Variants in CCDC88A observed in about 807,000 individuals in gnomAD.
CCDC88A encodes coiled-coil and HOOK domain protein 88A.
In CCDC88A, 54 loss-of-function variants were observed where a neutral mutation model predicts 234.3. That is an observed-to-expected ratio of 0.23 (90% CI 0.19 to 0.29). The LOEUF (loss-of-function observed/expected upper bound fraction) is 0.29. Among genes scored for constraint, CCDC88A ranks in the 10% least tolerant of loss-of-function variants. The pLI is 1.00. For synonymous variants in CCDC88A, 753 were observed against 737.8 expected (o/e 1.02, Z -0.33); for missense variants, 1,832 against 2,123.4 (o/e 0.86, Z 2.70).
chr2:55,303,757 G>A (rs1004466123), intron 25 of CCDC88A, among the ~76,000 whole-genome samples: 6 of 152,126 alleles, frequency 3.9e-5, no homozygotes, highest in African/African-American at 1.4e-4. Context: ...TATTTATGCA[G>A]GGATCAACTT....
intron 8 of CCDC88A, among the ~76,000 whole-genome samples, chr2:55,351,719 T>C (rs1669908975): frequency 6.6e-6 from 1 of 152,224 alleles, no homozygotes; most frequent in Admixed American, 6.5e-5. Flanking sequence ...TGGCCATTCA[T>C]CTGTTAACAT....
In CCDC88A at chr2:55,290,193, T is replaced by C. The variant is rs1332592651; in HGVS notation, c.*1007A>G. 1 of 152,530 alleles carries C rather than the reference T, an allele frequency of 6.6e-6. No homozygotes were observed. The highest frequency in any genetic ancestry group is 1.5e-5 in the Non-Finnish European group (1 of 67,954). 9.4% of individuals were successfully genotyped at this position (152,530 alleles called of 1,614,324 possible). A position where few individuals can be genotyped will look rare whatever the true frequency, so the allele number is the denominator to read the frequency against. ...AAGTACCAATAACAGTTATCAACTT[T>C]AATGTAATATCATAAAGGAGAAAAA... On this transcript the variant is annotated 3_prime_UTR_variant, in exon 33 of 33. Coordinates refer to ENST00000436346, the MANE Select transcript of CCDC88A (RefSeq NM_001365480.1).
rs570795943 is a variant in CCDC88A, at chr2:55,312,868, TTATAG to T, written c.3934-294_3934-290del. ...CTTTCTGTCTTTAAAACTGTTTAAC[TTATAG>T]TATAGTCCAAAAGCTAGATTCAAAT... On this transcript the variant is annotated intron_variant, in intron 22 of 32. Coordinates refer to ENST00000436346, the MANE Select transcript of CCDC88A (RefSeq NM_001365480.1). The T allele has an allele frequency of 5.2e-3, 1,105 of 212,312 alleles. 5 individuals carry two copies. The highest frequency in any genetic ancestry group is 7.0e-3 in the Non-Finnish European group (747 of 106,468). 13.2% of individuals were successfully genotyped at this position (212,312 alleles called of 1,614,324 possible). A position where few individuals can be genotyped will look rare whatever the true frequency, so the allele number is the denominator to read the frequency against.
chr2:55,355,790 A>T (rs1670494602), intron 7 of CCDC88A, 39 bp from the exon 8 acceptor site: 1 of 1,522,818 alleles, frequency 6.6e-7, no homozygotes, highest in Non-Finnish European at 9.1e-7. Flanking sequence ...TATTCTACAT[A>T]TTAGCAAACT....
rs544894155 is a variant in CCDC88A at position 55,300,221 on chromosome 2, T to C, written c.4745-302A>G. On this transcript the variant is annotated intron_variant, in intron 28 of 32. Transcript: ENST00000436346. The stretch of plus-strand genomic sequence containing the variant: ...AAATAGAATGACATATCCCCCCAGA[T>C]CCCCCAAAATGCTATTGATTGGGTC... 1.1e-4 allele frequency: 36 copies of C among 314,616 alleles called. 1 individual carries two copies. The highest frequency in any genetic ancestry group is 1.0e-3 in the Middle Eastern group (1 of 956). The allele number at this position is 314,616 out of a possible 1,614,324, so 19.5% of individuals were successfully genotyped here.
intron 3 of CCDC88A, among the ~76,000 whole-genome samples, chr2:55,384,394 C>G (rs1446113541): frequency 2.0e-5 from 3 of 148,934 alleles, no homozygotes; most frequent in Non-Finnish European, 4.4e-5. Context: ...GGCACTAGAA[C>G]TATGTCTATA....
rs869311337 is a variant in CCDC88A, at chr2:55,387,176, CAAAAAAAA to C, written c.273+1594_273+1601del. On this transcript the variant is annotated intron_variant, in intron 3 of 32. Coordinates refer to ENST00000436346, the MANE Select transcript of CCDC88A (RefSeq NM_001365480.1). ...AGGGCAACAGATTGAGATTCCATCT[CAAAAAAAA>C]AAAAAAAAAAAAAAAAGAAACATTG... Among the ~76,000 whole-genome samples, 161 of 69,770 alleles carry C rather than the reference CAAAAAAAA, an allele frequency of 2.3e-3. 1 individual carries two copies. The highest frequency in any genetic ancestry group is 0.011 in the African/African-American group (150 of 14,208). 45.8% of individuals were successfully genotyped at this position (69,770 alleles called of 152,430 possible). A position where few individuals can be genotyped will look rare whatever the true frequency, so the allele number is the denominator to read the frequency against.
At chr2:55,338,408 C>T (rs1407930383) in intron 13 of CCDC88A, among the ~76,000 whole-genome samples, 6 of 152,194 alleles carry the variant, frequency 3.9e-5, no homozygotes, top group Non-Finnish European at 8.8e-5. Context: ...CACTTAGGAA[C>T]TTCTTAGAAA....
At chr2:55,401,467 C>T (rs6755446) in intron 2 of CCDC88A, among the ~76,000 whole-genome samples, 5,412 of 9,670 alleles carry the variant, frequency 0.56, 1,640 homozygotes, top group Admixed American at 0.64. Context: ...TATATATATA[C>T]ATATGTGTGT....
intron 22 of CCDC88A, chr2:55,313,801 A>AT (rs1348306946): frequency 6.6e-6 from 1 of 152,194 alleles, no homozygotes; most frequent in East Asian, 1.9e-4. Context: ...GGAGAATTAT[A>AT]CTATAATCAT....
At chr2:55,352,559 A>T (rs1670025770) in intron 8 of CCDC88A, among the ~76,000 whole-genome samples, 1 of 152,200 alleles carries the variant, frequency 6.6e-6, no homozygotes, top group Admixed American at 6.5e-5. Flanking sequence ...CTGACCTGCG[A>T]ATTATATCTC....
chr2:55,318,002 G>A (rs188723275), intron 19 of CCDC88A, among the ~76,000 whole-genome samples, 161 bp from the exon 20 acceptor site: 10 of 152,084 alleles, frequency 6.6e-5, no homozygotes, highest in African/African-American at 1.2e-4. Flanking sequence ...CAAAGAATAA[G>A]GCTATCATTT....
chr2:55,307,292 G>A (rs887014700), intron 25 of CCDC88A, among the ~76,000 whole-genome samples: 4 of 151,860 alleles, frequency 2.6e-5, no homozygotes, highest in African/African-American at 7.3e-5. Context: ...ATTATAATGC[G>A]GTACTTCTAA....
At chr2:55,354,810 G>A (rs964913096) in intron 8 of CCDC88A, among the ~76,000 whole-genome samples, 7 of 150,798 alleles carry the variant, frequency 4.6e-5, no homozygotes, top group Admixed American at 6.6e-5. Context: ...CAGGCAATCC[G>A]CCCGCCTCAG....
intron 9 of CCDC88A, 37 bp downstream of exon 9, chr2:55,349,481 T>G: frequency 7.3e-7 from 1 of 1,368,224 alleles, no homozygotes. Context: ...TTCCAATTAC[T>G]TGGTGGTCCT....
intron 31 of CCDC88A, chr2:55,294,288 G>A (rs1679773286): frequency 2.1e-6 from 2 of 974,964 alleles, no homozygotes; most frequent in Non-Finnish European, 2.4e-6. Flanking sequence ...AGTTACTTGA[G>A]CTCTTGTATT....
chr2:55,344,325 T>A (rs146885065), intron 11 of CCDC88A, 43 bp downstream of exon 11: 3 of 1,419,090 alleles, frequency 2.1e-6, no homozygotes, highest in African/African-American at 2.9e-5. Flanking sequence ...TCTTAGAAGT[T>A]TTCCTTAAAG....
intron 8 of CCDC88A, among the ~76,000 whole-genome samples, chr2:55,353,775 T>C (rs1317150305): frequency 2.0e-5 from 3 of 152,144 alleles, no homozygotes; most frequent in South Asian, 4.1e-4. Flanking sequence ...GGAATGCCTA[T>C]GTAACATTTA....
intron 2 of CCDC88A, chr2:55,404,396 A>G (rs1679210480): frequency 6.6e-6 from 1 of 152,158 alleles, no homozygotes; most frequent in South Asian, 2.1e-4. Context: ...GATTACCACA[A>G]TATCGGTTTA....
Sources: gnomAD v4.1 joint callset for allele counts (sites outside exome capture counted in the v4.1 genomes callset) on GRCh38, gnomAD v4.1.1 for gene constraint, MANE v1.5 for transcripts, NCBI Gene and HGNC (gene_info 2026-07-23, HGNC 2026-07-21) for gene names.